Variants in CREB3L2 observed in about 807,000 individuals in gnomAD.
The protein encoded by CREB3L2 is cAMP responsive element binding protein 3 like 2.
CREB3L2 carries 23 observed loss-of-function variants against 57.2 expected under a neutral mutation model. The observed-to-expected ratio is 0.40, with a 90% confidence interval of 0.29 to 0.57. The LOEUF is 0.57. CREB3L2 is among the 20% of genes least tolerant of loss of function. The pLI is 0.42. For missense variants in CREB3L2, 628 were observed against 634.7 expected (o/e 0.99, Z 0.11); for synonymous variants, 268 against 265.1 (o/e 1.01, Z -0.11).
In CREB3L2 at chr7:137,915,838, C is replaced by T. The variant is rs935163643; in HGVS notation, c.494G>A (p.Gly165Glu). ...KEEPPLEMNT[G>E]VDSSCQTIIP... ...TAAACAGACGAAAATTGAGCATACC[C>T]CAGTGTTCATTTCCAGAGGAGGTTC... Residue 165 changes from glycine to glutamate, a missense_variant and splice_region_variant, in exon 3 of 12, where the codon GGG (glycine) becomes GAG (glutamate). This residue lies in a region of CREB3L2 where 339 missense variants were observed against 355.4 expected (regional missense o/e 0.95). Coordinates refer to ENST00000330387, the MANE Select transcript of CREB3L2 (RefSeq NM_194071.4). 6.2e-7 allele frequency: 1 copy of T among 1,613,558 alleles called. No individual in the cohort carries two copies. The highest frequency in any genetic ancestry group is 1.1e-5 in the South Asian group (1 of 91,008).
At chr7:137,922,390 A>ATATATATATATATATATATATGTATG (rs1800314876) in intron 2 of CREB3L2, among the ~76,000 whole-genome samples, 1 of 18,292 alleles carries the variant, frequency 5.5e-5, no homozygotes, top group Non-Finnish European at 9.3e-5. Context: ...ATATGTATAT[A>ATATATATATATATATATATATGTATG]TATATATATA....
chr7:137,972,713 ATATAT>A (rs1392187391), intron 1 of CREB3L2, among the ~76,000 whole-genome samples: 4 of 32,928 alleles, frequency 1.2e-4, no homozygotes, highest in Admixed American at 3.5e-4. Flanking sequence ...AAAAAAAAAA[ATATAT>A]ATATATATAT....
rs1585580934 is a variant in CREB3L2 at position 137,877,211 on chromosome 7, T to A, written c.*3265A>T. On this transcript the variant is annotated 3_prime_UTR_variant, in exon 12 of 12. Transcript: ENST00000330387. ...AAAAAAACATGGTAATTATAAGGGG[T>A]CTGTGAATAAGTTAAACTAAAAGCT... The A allele has an allele frequency of 4.4e-6, 1 of 226,052 alleles. No homozygotes were observed. Among genetic ancestry groups the A allele is most frequent in the African/African-American group, 2.2e-5 (1 of 44,562 alleles). The allele number at this position is 226,052 out of a possible 1,614,324, so 14.0% of individuals were successfully genotyped here. A position where few individuals can be genotyped will look rare whatever the true frequency, so the allele number is the denominator to read the frequency against.
At chr7:137,901,168 G>A (rs1799746355) in intron 8 of CREB3L2, among the ~76,000 whole-genome samples, 186 bp downstream of exon 8, 1 of 152,190 alleles carries the variant, frequency 6.6e-6, no homozygotes, top group African/African-American at 2.4e-5. Context: ...AGAGTAGCAC[G>A]TGTGCATGCG....
At chr7:137,923,371 G>C (rs985619040) in intron 2 of CREB3L2, among the ~76,000 whole-genome samples, 4 of 152,298 alleles carry the variant, frequency 2.6e-5, no homozygotes, top group South Asian at 4.1e-4. Flanking sequence ...AAAATAGCGT[G>C]TATTACAAAC....
In CREB3L2 at chr7:138,002,023, CA is replaced by C. The variant is rs1802090575; in HGVS notation, c.-319del. On this transcript the variant is annotated 5_prime_UTR_variant, in exon 1 of 12. Coordinates refer to ENST00000330387, the MANE Select transcript of CREB3L2 (RefSeq NM_194071.4). Reference sequence around the variant, plus strand: ...TCATCCCAGGAAAATCCCTTAGCCGCAAGCCCACTTGCCGCTACGGCTCCAG... The same window carrying C: ...TCATCCCAGGAAAATCCCTTAGCCGCAGCCCACTTGCCGCTACGGCTCCAG... The C allele has an allele frequency of 3.0e-6, 1 of 337,976 alleles. No homozygotes were observed. Among genetic ancestry groups the C allele is most frequent in the Admixed American group, 4.6e-5 (1 of 21,724 alleles). 20.9% of individuals were successfully genotyped at this position (337,976 alleles called of 1,614,324 possible).
chr7:137,982,270 G>A (rs984321602), intron 1 of CREB3L2, among the ~76,000 whole-genome samples: 5 of 152,142 alleles, frequency 3.3e-5, no homozygotes, highest in African/African-American at 1.2e-4. Flanking sequence ...AGAACCTTCA[G>A]TCTGTAGGTT....
At chr7:137,926,791 A>G (rs1800472173) in intron 2 of CREB3L2, among the ~76,000 whole-genome samples, 1 of 152,216 alleles carries the variant, frequency 6.6e-6, no homozygotes, top group Admixed American at 6.5e-5. Flanking sequence ...AATAGGAAAT[A>G]GAGTTTTTAA....
intron 7 of CREB3L2, 34 bp downstream of exon 7, chr7:137,903,925 C>T: frequency 1.3e-6 from 2 of 1,573,200 alleles, no homozygotes; most frequent in South Asian, 1.1e-5. Context: ...GTGCATACTG[C>T]CCGATGAACG....
chr7:137,968,372 C>T (rs150982408), intron 1 of CREB3L2, among the ~76,000 whole-genome samples: 1 of 152,246 alleles, frequency 6.6e-6, no homozygotes. Context: ...CCCCAGACTC[C>T]CCAACAGGCC....
Position 137,901,413 on chromosome 7 carries a change from A to T in CREB3L2, c.984T>A (p.Ser328=). ...GAAGCTCCAAGTTCTCAGTTGAACA[A>T]GACTCCACTCTACAAAGGAGGGAGA... ...YMDSLEKKVE[S]CSTENLELRK... The change falls in exon 8 of 12, where the codon TCT becomes TCA. Residue 328 remains serine (S), a synonymous_variant. Transcript: ENST00000330387. 1 of 1,603,664 alleles carries T rather than the reference A, an allele frequency of 6.2e-7. No individual in the cohort carries two copies. Among genetic ancestry groups the T allele is most frequent in the South Asian group, 1.1e-5 (1 of 90,740 alleles).
At position 137,974,422 on chromosome 7, in the gene CREB3L2, C is replaced by T. The variant is rs1479171817; in HGVS notation, c.102+27182G>A. 2.6e-5 allele frequency among the ~76,000 whole-genome samples: 4 copies of T among 152,186 alleles called. No individual in the cohort carries two copies. The East Asian group carries it at 5.8e-4, about 22-fold the overall frequency. ...CAGGACCAACCGGCATGTACAAAGG[C>T]CCCATGGCAGGAAGAAATGTATTTA... On this transcript the variant is annotated intron_variant, in intron 1 of 11. Coordinates refer to ENST00000330387, the MANE Select transcript of CREB3L2 (RefSeq NM_194071.4).
At chr7:137,909,803 G>A (rs1799969372) in intron 4 of CREB3L2, among the ~76,000 whole-genome samples, 1 of 152,150 alleles carries the variant, frequency 6.6e-6, no homozygotes, top group Admixed American at 6.5e-5. Flanking sequence ...ATCTTGAATT[G>A]TAGCTCCCAT....
chr7:137,927,864 C>T (rs868620961), intron 2 of CREB3L2, among the ~76,000 whole-genome samples: 3 of 151,744 alleles, frequency 2.0e-5, no homozygotes, highest in African/African-American at 4.8e-5. Flanking sequence ...CCAGATAGGC[C>T]GGCCTGATTT....
chr7:137,989,917 A>G (rs1311586995), intron 1 of CREB3L2, among the ~76,000 whole-genome samples: 1 of 152,136 alleles, frequency 6.6e-6, no homozygotes, highest in Non-Finnish European at 1.5e-5. Context: ...TCTTGAATTC[A>G]TCTACTCCTC....
At chr7:137,935,338 G>A (rs1026459133) in intron 1 of CREB3L2, among the ~76,000 whole-genome samples, 2 of 152,050 alleles carry the variant, frequency 1.3e-5, no homozygotes, top group Non-Finnish European at 2.9e-5. Context: ...CCAGCTTCTC[G>A]CATTGTTCTT....
intron 8 of CREB3L2, among the ~76,000 whole-genome samples, chr7:137,897,460 C>CCT (rs953918090): frequency 3.3e-5 from 5 of 152,182 alleles, no homozygotes; most frequent in African/African-American, 1.2e-4. Flanking sequence ...GCCTCTGCCT[C>CCT]CTAGGTTCAA....
chr7:137,989,467 G>C (rs900240008), intron 1 of CREB3L2, among the ~76,000 whole-genome samples: 1 of 138,392 alleles, frequency 7.2e-6, no homozygotes, highest in African/African-American at 2.7e-5. Flanking sequence ...TTCTTTCTGG[G>C]TTCTATCTGT....
intron 2 of CREB3L2, among the ~76,000 whole-genome samples, chr7:137,927,847 T>C (rs1800509988): frequency 6.6e-6 from 1 of 151,184 alleles, no homozygotes; most frequent in Non-Finnish European, 1.5e-5. Context: ...CTGGTAGGAA[T>C]GACCAGCCAG....
Sources: allele counts gnomAD v4.1 joint callset (sites outside exome capture counted in the v4.1 genomes callset), GRCh38; gene constraint gnomAD v4.1.1; regional missense constraint gnomAD v4.1.1; transcripts MANE v1.5; gene names NCBI Gene and HGNC (gene_info 2026-07-23, HGNC 2026-07-21).